PTPRE: variants seen among roughly 807,000 people sequenced by gnomAD.
PTPRE encodes protein tyrosine phosphatase receptor type E.
PTPRE carries 51 observed loss-of-function variants against 102.0 expected under a neutral mutation model. The observed-to-expected ratio is 0.50, with a 90% CI of 0.40 to 0.63. PTPRE has a LOEUF of 0.63. PTPRE is among the 30% of genes least tolerant of loss of function. The pLI is 0.00. For missense variants in PTPRE, 752 were observed against 915.1 expected (o/e 0.82, Z 2.30); for synonymous variants, 345 against 348.2 (o/e 0.99, Z 0.10).
rs145733690 is a variant in PTPRE at position 128,070,312 on chromosome 10, G to C, written c.1155G>C (p.Thr385=). 1.2e-6 allele frequency: 2 copies of C among 1,611,316 alleles called. No individual in the cohort carries two copies. The highest frequency in any genetic ancestry group is 2.7e-5 in the African/African-American group (2 of 74,908). Residue 385 remains threonine (T), a synonymous_variant, in exon 14 of 21, where the codon ACG becomes ACC. Transcript: ENST00000254667. The surrounding 1 kb of genome is among the most constrained non-coding windows in gnomAD (Gnocchi z 4.8). The part of the protein sequence containing the change: ...PQMVQTDMQY[T]FIYQALLEYY... ...TGGCCTCTCTGCAGATGCAGTACAC[G>C]TTCATCTACCAAGCCTTACTCGAGT...
At chr10:127,908,460 G>C (rs1845647376) in intron 1 of PTPRE, among the ~76,000 whole-genome samples, 1 of 152,116 alleles carries the variant, frequency 6.6e-6, no homozygotes, top group Non-Finnish European at 1.5e-5. Context: ...GGGGTGTGGA[G>C]GGTCGTTTCC....
chr10:127,969,916 C>G (rs1258119775), intron 1 of PTPRE, among the ~76,000 whole-genome samples: 1 of 152,134 alleles, frequency 6.6e-6, no homozygotes, highest in African/African-American at 2.4e-5. Context: ...CCATGGGGAC[C>G]CTGAGTCACA....
At chr10:127,920,027 G>C (rs1026724789) in intron 1 of PTPRE, among the ~76,000 whole-genome samples, 4 of 152,040 alleles carry the variant, frequency 2.6e-5, no homozygotes, top group African/African-American at 9.7e-5. Flanking sequence ...CAGGCTCGGC[G>C]TGCTGTGTCC....
In PTPRE at chr10:128,025,158, C is replaced by CAAAAA. The variant is rs71472683; in HGVS notation, c.-7-15698_-7-15694dup. ...TGGGTGACAGAATGAGATCCTGTCT[C>CAAAAA]AAAAAAAAAAAAAAAAAAAAAAAGA... On this transcript the variant is annotated intron_variant, in intron 2 of 20. Coordinates refer to ENST00000254667, the MANE Select transcript of PTPRE (RefSeq NM_006504.6). Among the ~76,000 whole-genome samples, 209 of 65,496 alleles carry CAAAAA rather than the reference C, an allele frequency of 3.2e-3. 5 individuals carry two copies. The highest frequency in any genetic ancestry group is 9.1e-3 in the African/African-American group (138 of 15,168). The allele number at this position is 65,496 out of a possible 152,430, so 43.0% of individuals were successfully genotyped here.
In PTPRE at chr10:128,079,658, G is replaced by A; in HGVS notation, c.1991G>A (p.Ser664Asn). ...TTAGATGTATTTCAAGCTGTGAAGA[G>A]TTTACGACTTCAGAGACCACATATG... ...GLLDVFQAVK[S>N]LRLQRPHMVQ... is the part of the protein sequence containing the mutation. The change falls in exon 20 of 21, where the codon AGT becomes AAT. Residue 664 changes from serine to asparagine, a missense_variant. Coordinates refer to ENST00000254667, the MANE Select transcript of PTPRE (RefSeq NM_006504.6). 6.2e-7 allele frequency: 1 copy of A among 1,613,980 alleles called. No individual in the cohort carries two copies. The highest frequency in any genetic ancestry group is 8.5e-7 in the Non-Finnish European group (1 of 1,179,822).
Position 128,057,153 on chromosome 10 carries a change from G to A in PTPRE, c.511+940G>A, listed in dbSNP as rs574673427. ...AATCTCTTGAACCTGGGAGACAGAGGTTGCCATGAGCCGAGATCGCGCCAT... is the reference window on the plus strand; with the variant it reads ...AATCTCTTGAACCTGGGAGACAGAGATTGCCATGAGCCGAGATCGCGCCAT... On this transcript the variant is annotated intron_variant, in intron 7 of 20. Coordinates refer to ENST00000254667, the MANE Select transcript of PTPRE (RefSeq NM_006504.6). 2.7e-4 allele frequency among the ~76,000 whole-genome samples: 41 copies of A among 151,976 alleles called. 1 individual carries two copies. The South Asian group carries it at 3.3e-3, about 12-fold the overall frequency.
chr10:127,970,836 T>C (rs1468180617), intron 1 of PTPRE, among the ~76,000 whole-genome samples: 1 of 151,862 alleles, frequency 6.6e-6, no homozygotes, highest in Non-Finnish European at 1.5e-5. Context: ...ATTCGTATCA[T>C]AGGAATCATT....
intron 5 of PTPRE, among the ~76,000 whole-genome samples, chr10:128,048,712 G>A (rs188155996): frequency 6.6e-6 from 1 of 152,272 alleles, no homozygotes; most frequent in Admixed American, 6.5e-5. Context: ...AGGGAGGAGG[G>A]TGCGGCTAGT....
intron 2 of PTPRE, among the ~76,000 whole-genome samples, chr10:127,990,571 G>A (rs935941041): frequency 2.6e-5 from 4 of 152,160 alleles, no homozygotes; most frequent in African/African-American, 4.8e-5. Flanking sequence ...CTATGCTCTA[G>A]GGTGGTGCTG....
chr10:128,029,398 A>G (rs1846538796), intron 2 of PTPRE, among the ~76,000 whole-genome samples: 1 of 152,174 alleles, frequency 6.6e-6, no homozygotes. Context: ...TGTCAGCACT[A>G]AAGACCAGAA....
At chr10:127,935,474 G>T (rs1847782531) in intron 1 of PTPRE, among the ~76,000 whole-genome samples, 1 of 152,132 alleles carries the variant, frequency 6.6e-6, no homozygotes, top group Non-Finnish European at 1.5e-5. Context: ...TCTCCATGCA[G>T]CTGGCCACTC....
chr10:127,964,324 C>T (rs1035356506), intron 1 of PTPRE, among the ~76,000 whole-genome samples: 4 of 152,052 alleles, frequency 2.6e-5, no homozygotes, highest in African/African-American at 9.7e-5. Context: ...AGCCCACCAC[C>T]GCGCCCAGCT....
rs1304708912 is a variant in PTPRE, at chr10:128,085,289, T to A, written c.*2383T>A. The A allele has an allele frequency of 3.2e-6, 1 of 315,468 alleles. No homozygotes were observed. The highest frequency in any genetic ancestry group is 2.2e-5 in the African/African-American group (1 of 46,188). 19.5% of individuals were successfully genotyped at this position (315,468 alleles called of 1,614,324 possible). A position where few individuals can be genotyped will look rare whatever the true frequency, so the allele number is the denominator to read the frequency against. On this transcript the variant is annotated 3_prime_UTR_variant, in exon 21 of 21. Coordinates refer to ENST00000254667, the MANE Select transcript of PTPRE (RefSeq NM_006504.6). ...CGTGCAACCTGGAAAGTTCATCTCT[T>A]GTTTCCTTCAGTCAAAGAAAGTCCA... is the stretch of plus-strand genomic sequence containing the variant.
At chr10:128,036,492 T>C (rs1847231023) in intron 2 of PTPRE, among the ~76,000 whole-genome samples, 1 of 152,204 alleles carries the variant, frequency 6.6e-6, no homozygotes, top group Non-Finnish European at 1.5e-5. Context: ...CTTATCCCGC[T>C]TCATAGGAGC....
chr10:127,976,147 T>A (rs1437845788), intron 1 of PTPRE, among the ~76,000 whole-genome samples: 2 of 152,040 alleles, frequency 1.3e-5, no homozygotes, highest in Non-Finnish European at 2.9e-5. Context: ...AAGATTTTTT[T>A]AAAAAACATG....
chr10:128,061,077 C>T, intron 8 of PTPRE, 62 bp downstream of exon 8: 1 of 1,510,184 alleles, frequency 6.6e-7, no homozygotes, highest in Non-Finnish European at 9.2e-7. Flanking sequence ...TAAGCACTTT[C>T]TTGTCTGGTG....
intron 1 of PTPRE, among the ~76,000 whole-genome samples, chr10:127,974,484 G>C (rs1850994529): frequency 6.6e-6 from 1 of 152,144 alleles, no homozygotes; most frequent in Non-Finnish European, 1.5e-5. Flanking sequence ...TTAGTGTTCT[G>C]CTTCCATCTT....
At chr10:128,000,752 C>T (rs1201902356) in intron 2 of PTPRE, among the ~76,000 whole-genome samples, 1 of 152,210 alleles carries the variant, frequency 6.6e-6, no homozygotes, top group Non-Finnish European at 1.5e-5. Flanking sequence ...TTCTTTCCTA[C>T]AAAGTGAAGG....
intron 1 of PTPRE, among the ~76,000 whole-genome samples, chr10:127,951,126 A>G (rs1848991726): frequency 6.6e-6 from 1 of 152,134 alleles, no homozygotes; most frequent in African/African-American, 2.4e-5. Context: ...TAGGAAGCCT[A>G]CTAAATTCTT....
Sources: allele counts gnomAD v4.1 joint callset (sites outside exome capture counted in the v4.1 genomes callset), GRCh38; gene constraint gnomAD v4.1.1; non-coding constraint Gnocchi (gnomAD v3.1); transcripts MANE v1.5; gene names NCBI Gene and HGNC (gene_info 2026-07-23, HGNC 2026-07-21).